INTS6L: variants seen among roughly 807,000 people sequenced by gnomAD.
The protein encoded by INTS6L is integrator complex subunit 6-like.
INTS6L carries 18 observed loss-of-function variants against 64.7 expected under a neutral mutation model. That is an observed-to-expected ratio of 0.28 (90% CI 0.19 to 0.41). The LOEUF (loss-of-function observed/expected upper bound fraction) is 0.41. Ranked by LOEUF, INTS6L falls within the 10% of genes least tolerant of loss-of-function variation. The pLI, the probability that INTS6L is intolerant of heterozygous loss-of-function variation, is 1.00. For missense variants in INTS6L, 533 were observed against 661.0 expected (o/e 0.81, Z 2.12); for synonymous variants, 227 against 235.9 (o/e 0.96, Z 0.34).
chrX:135,579,347 C>T (rs782086183), intron 15 of INTS6L, among the ~76,000 whole-genome samples: 7 of 112,025 alleles, frequency 6.2e-5, no homozygotes, highest in South Asian at 3.7e-4. Flanking sequence ...CACTAATGGC[C>T]GCCTCTATTT....
chrX:135,549,611 C>T lies in INTS6L; in HGVS notation c.743-31C>T, dbSNP rs368498732. 1.9e-4 allele frequency: 221 copies of T among 1,180,973 alleles called. No individual in the cohort carries two copies. In the African/African-American group the frequency reaches 3.6e-3, roughly 19 times the overall value. ...ATCAGCAGCTGTAAAAAGAAACTCA[C>T]GCCTTAGTTTGTCTTTTGTTTAACT... On this transcript the variant is annotated intron_variant, in intron 6 of 17. Coordinates refer to ENST00000639893, the MANE Select transcript of INTS6L (RefSeq NM_001351601.3).
intron 5 of INTS6L, 42 bp from the exon 6 acceptor site, chrX:135,547,095 A>T: frequency 8.4e-7 from 1 of 1,189,216 alleles, no homozygotes; most frequent in Non-Finnish European, 1.1e-6. Flanking sequence ...ATGAAATTAT[A>T]TTTGATCAAA....
At position 135,575,155 on chromosome X, in the gene INTS6L, C is replaced by T; in HGVS notation, c.1813C>T (p.Leu605=). The part of the protein sequence containing the change: ...QEYLKTLASP[L]REIDPDQPKR... ...ATATCTGAAGACATTGGCTTCTCCA[C>T]TGCGAGAGATTGATCCAGACCAACC... The change falls in exon 14 of 18, where the codon CTG becomes TTG. Residue 605 remains leucine (L), a synonymous_variant. Coordinates refer to ENST00000639893, the MANE Select transcript of INTS6L (RefSeq NM_001351601.3). 2 of 1,211,625 alleles carry T rather than the reference C, an allele frequency of 1.7e-6. No individual in the cohort carries two copies. The highest frequency in any genetic ancestry group is 3.5e-5 in the South Asian group (2 of 56,969).
intron 2 of INTS6L, among the ~76,000 whole-genome samples, chrX:135,540,172 G>A: frequency 8.9e-6 from 1 of 111,943 alleles, no homozygotes; most frequent in Non-Finnish European, 1.9e-5. Context: ...GTGTGGAAGA[G>A]TGGTTTAAAT....
In INTS6L at chrX:135,543,452, A is replaced by G. The variant is rs1206090683; in HGVS notation, c.190-1971A>G. On this transcript the variant is annotated intron_variant, in intron 2 of 17. Coordinates refer to ENST00000639893, the MANE Select transcript of INTS6L (RefSeq NM_001351601.3). The stretch of plus-strand genomic sequence containing the variant: ...CAGTGAGTCTCATGATCTTCACTCC[A>G]TCCCATCAGTATTTCTCAAATGTCC... 3.6e-5 allele frequency among the ~76,000 whole-genome samples: 4 copies of G among 111,293 alleles called. No homozygotes were observed. In the Admixed American group the frequency reaches 3.8e-4, roughly 11 times the overall value.
intron 2 of INTS6L, among the ~76,000 whole-genome samples, chrX:135,538,508 G>T (rs781903561): frequency 9.0e-6 from 1 of 111,270 alleles, no homozygotes; most frequent in Non-Finnish European, 1.9e-5. Flanking sequence ...CATCCATGAA[G>T]GTTGGAATCA....
rs1453260411 is a variant in INTS6L at position 135,520,977 on chromosome X, A to G, written c.-16A>G. On this transcript the variant is annotated 5_prime_UTR_variant, in exon 1 of 18. Transcript: ENST00000639893. The stretch of plus-strand genomic sequence containing the variant: ...GGCCGGGAGAGTGGGGAGCGGAGGC[A>G]GGAGTGCGGGGGAAGATGCCCATCC... 4.2e-6 allele frequency: 5 copies of G among 1,203,608 alleles called. No individual in the cohort carries two copies. The Admixed American group carries it at 1.1e-4, about 26-fold the overall frequency.
intron 6 of INTS6L, among the ~76,000 whole-genome samples, chrX:135,549,426 G>A (rs782800618): frequency 8.9e-6 from 1 of 112,401 alleles, no homozygotes; most frequent in African/African-American, 3.2e-5. Flanking sequence ...TGGTGGGGTG[G>A]GTGTTGGGTT....
chrX:135,556,282 G>C lies in INTS6L; in HGVS notation c.1174G>C (p.Val392Leu). 1 of 1,177,758 alleles carries C rather than the reference G, an allele frequency of 8.5e-7. No individual in the cohort carries two copies. Among genetic ancestry groups the C allele is most frequent in the East Asian group, 3.1e-5 (1 of 32,514 alleles). The part of the protein sequence containing the change: ...NLFVMPYNYP[V>L]LLPLLDDLFK... ...CTTTGTGATGCCTTACAACTACCCA[G>C]TTTTACTTCCTCTTTTAGGTAAGTA... The change falls in exon 9 of 18, where the codon GTT (valine) becomes CTT (leucine). Residue 392 changes from valine to leucine, a missense_variant. Val to Leu is a conservative substitution (Grantham distance 32). Coordinates refer to ENST00000639893, the MANE Select transcript of INTS6L (RefSeq NM_001351601.3).
chrX:135,561,340 T>G (rs1556522168), intron 9 of INTS6L, among the ~76,000 whole-genome samples: 1 of 112,396 alleles, frequency 8.9e-6, no homozygotes, highest in African/African-American at 3.2e-5. Flanking sequence ...TGACTAATTT[T>G]CAAATATTGA....
At chrX:135,570,408 T>C in intron 10 of INTS6L, 28 bp from the exon 11 acceptor site, 2 of 1,128,156 alleles carry the variant, frequency 1.8e-6, no homozygotes, top group Non-Finnish European at 2.3e-6. Flanking sequence ...ATTCTATTCT[T>C]ACTGTTGTGT....
At chrX:135,526,212 T>C (rs1427781313) in intron 2 of INTS6L, among the ~76,000 whole-genome samples, 1 of 111,673 alleles carries the variant, frequency 9.0e-6, no homozygotes, top group Non-Finnish European at 1.9e-5. Context: ...TGCTCTCCAC[T>C]GATTCCTTCC....
intron 14 of INTS6L, among the ~76,000 whole-genome samples, chrX:135,576,719 G>A (rs986931991): frequency 1.4e-4 from 16 of 111,896 alleles, no homozygotes; most frequent in African/African-American, 4.9e-4. Context: ...CTTTCAACAC[G>A]TACATGTAGC....
At chrX:135,526,185 C>T (rs1556501036) in intron 2 of INTS6L, among the ~76,000 whole-genome samples, 1 of 111,731 alleles carries the variant, frequency 9.0e-6, no homozygotes, top group Non-Finnish European at 1.9e-5. Flanking sequence ...CTCAGTTGTT[C>T]TCCCTACTTC....
chrX:135,581,701 G>T lies in INTS6L; in HGVS notation c.*65G>T. ...CTGTAGGATGGAACAGGATATTGTTGAAGCCTCCTGGAATGTTTGAGTCAA... is the reference window on the plus strand; with the variant it reads ...CTGTAGGATGGAACAGGATATTGTTTAAGCCTCCTGGAATGTTTGAGTCAA... On this transcript the variant is annotated 3_prime_UTR_variant, in exon 18 of 18. Coordinates refer to ENST00000639893, the MANE Select transcript of INTS6L (RefSeq NM_001351601.3). 1.1e-6 allele frequency: 1 copy of T among 945,605 alleles called. No individual in the cohort carries two copies. Among genetic ancestry groups the T allele is most frequent in the Non-Finnish European group, 1.5e-6 (1 of 665,105 alleles). 77.9% of individuals were successfully genotyped at this position (945,605 alleles called of 1,213,427 possible). A position where few individuals can be genotyped will look rare whatever the true frequency, so the allele number is the denominator to read the frequency against.
intron 2 of INTS6L, among the ~76,000 whole-genome samples, chrX:135,522,234 G>T (rs2085599833): frequency 8.9e-6 from 1 of 112,045 alleles, no homozygotes; most frequent in Admixed American, 9.4e-5. Context: ...TTAGGGATCC[G>T]CTCTACCTAT....
chrX:135,551,417 C>T (rs1253214433), intron 7 of INTS6L, among the ~76,000 whole-genome samples: 1 of 112,479 alleles, frequency 8.9e-6, no homozygotes, highest in Non-Finnish European at 1.9e-5. Context: ...AAGGCAAACA[C>T]GTTGGTGTTA....
chrX:135,566,154 T>C (rs2086941717), intron 9 of INTS6L, among the ~76,000 whole-genome samples: 2 of 112,079 alleles, frequency 1.8e-5, no homozygotes, highest in African/African-American at 3.2e-5. Flanking sequence ...TTTCATGACG[T>C]TGGGCAAGAT....
chrX:135,567,673 A>G (rs1288122787), intron 9 of INTS6L, among the ~76,000 whole-genome samples: 1 of 111,709 alleles, frequency 9.0e-6, no homozygotes, highest in African/African-American at 3.3e-5. Context: ...AAATCTGCCT[A>G]ATTCCCAACA....
Sources: allele counts gnomAD v4.1 joint callset (sites outside exome capture counted in the v4.1 genomes callset), GRCh38; gene constraint gnomAD v4.1.1; transcripts MANE v1.5; gene names NCBI Gene and HGNC (gene_info 2026-07-23, HGNC 2026-07-21).